ZNF384: variants seen among roughly 807,000 people sequenced by gnomAD.
ZNF384 encodes the protein CAG repeat protein 1.
A neutral mutation model predicts 65.0 loss-of-function variants in ZNF384; 20 were observed. The ratio of observed to expected loss-of-function variants is 0.31; its 90% confidence interval spans 0.22 to 0.45. The LOEUF (loss-of-function observed/expected upper bound fraction) is 0.45, where lower values mean the gene tolerates loss of function less well. Among genes scored for constraint, ZNF384 ranks in the 20% least tolerant of loss-of-function variants. The probability of loss-of-function intolerance (pLI) is 1.00; values close to 1 mark genes in which losing one functional copy is unlikely to be tolerated. For missense variants in ZNF384, 549 were observed against 769.4 expected, an observed-to-expected ratio of 0.71 and a Z score of 3.39; for synonymous variants, 310 against 303.9, an observed-to-expected ratio of 1.02 and a Z score of -0.21.
At chr12:6,686,262 C>CT (rs1555098409) in intron 2 of ZNF384, among the ~76,000 whole-genome samples, 1 of 152,118 alleles carries the variant, frequency 6.6e-6, no homozygotes, top group Non-Finnish European at 1.5e-5. Context: ...CTTCTGAATT[C>CT]TTTTTTTATG....
At chr12:6,679,383 G>A (rs1955010383) in intron 3 of ZNF384, 72 bp downstream of exon 3, 4 of 1,438,410 alleles carry the variant, frequency 2.8e-6, no homozygotes, top group East Asian at 2.3e-5. Context: ...AGCATGTGGT[G>A]TACCTTCAGT....
Position 6,678,291 on chromosome 12 carries a change from C to T in ZNF384, c.522G>A (p.Glu174=), listed in dbSNP as rs762475868. 6.2e-7 allele frequency: 1 copy of T among 1,614,146 alleles called. No homozygotes were observed. The highest frequency in any genetic ancestry group is 1.1e-5 in the South Asian group (1 of 91,082). ...CTCCACCACCACCTCCGCCTCCTTC[C>T]TCGGTTAGGGTCGATGCTACCTTCT... ...LSKKVASTLT[E]EGGGGGGGGG... Residue 174 remains glutamate, a synonymous_variant, in exon 6 of 12, where the codon GAG becomes GAA. Coordinates refer to ENST00000683879, the MANE Select transcript of ZNF384 (RefSeq NM_001385745.1). This position sits in a 1 kb window ranked among gnomAD's most constrained non-coding sequence, Gnocchi z 4.9.
Position 6,668,050 on chromosome 12 carries a change from T to C in ZNF384, c.1491A>G (p.Ala497=), listed in dbSNP as rs552586045. The C allele has an allele frequency of 6.8e-6, 11 of 1,612,992 alleles. No homozygotes were observed. Among genetic ancestry groups the C allele is most frequent in the South Asian group, 5.5e-5 (5 of 90,994 alleles). ...NPPDLQQQVQ[A]AAAAAAVAQA... ...GGGCCACTGCTGCCGCTGCTGCTGC[T>C]GCCTGCACCTGTTGCTGAAGATCAG... The change falls in exon 12 of 12, where the codon GCA becomes GCG. Residue 497 remains alanine, a synonymous_variant. Transcript: ENST00000683879.
Position 6,672,958 on chromosome 12 carries a change from T to G in ZNF384, c.1004+258A>C. On this transcript the variant is annotated intron_variant, in intron 8 of 11. Coordinates refer to ENST00000683879, the MANE Select transcript of ZNF384 (RefSeq NM_001385745.1). This position sits in a 1 kb window ranked among gnomAD's most constrained non-coding sequence, Gnocchi z 4.4. ...AAGCATATAGTAAAAGCAGGCCTGC[T>G]CTGCAGAAGATTTCCAAACACAGAC... 1 of 519,118 alleles carries G rather than the reference T, an allele frequency of 1.9e-6. No individual in the cohort carries two copies. Among genetic ancestry groups the G allele is most frequent in the Non-Finnish European group, 3.5e-6 (1 of 287,336 alleles). The allele number at this position is 519,118 out of a possible 1,614,324, so 32.2% of individuals were successfully genotyped here. A position where few individuals can be genotyped will look rare whatever the true frequency, so the allele number is the denominator to read the frequency against.
intron 7 of ZNF384, among the ~76,000 whole-genome samples, chr12:6,675,863 T>G (rs1159488788): frequency 6.6e-6 from 1 of 152,172 alleles, no homozygotes; most frequent in East Asian, 1.9e-4. Flanking sequence ...CCATTTTATA[T>G]ATGGGAACAA....
chr12:6,676,295 C>T (rs991580320), intron 7 of ZNF384, among the ~76,000 whole-genome samples: 7 of 151,438 alleles, frequency 4.6e-5, no homozygotes, highest in Middle Eastern at 3.4e-3. Flanking sequence ...AGCGAGACTC[C>T]GTCTCAAAAA....
chr12:6,672,358 C>T lies in ZNF384; in HGVS notation c.1179G>A (p.Gln393=). Residue 393 remains glutamine (Q), a synonymous_variant, in exon 9 of 12, where the codon CAG becomes CAA. Transcript: ENST00000683879. This position sits in a 1 kb window ranked among gnomAD's most constrained non-coding sequence, Gnocchi z 4.4. ...CCGCCACTCTCCCTTACCGTGTGTG[C>T]TGCTGGAGGTGGGAGAGCTGGCGGA... ...KAFRQLSHLQ[Q]HTRIHTGDRP... is the part of the protein sequence containing the mutation. 1 of 1,613,690 alleles carries T rather than the reference C, an allele frequency of 6.2e-7. No individual in the cohort carries two copies. Among genetic ancestry groups the T allele is most frequent in the Non-Finnish European group, 8.5e-7 (1 of 1,179,740 alleles).
chr12:6,677,307 G>A (rs1954018294), intron 6 of ZNF384, 48 bp from the exon 7 acceptor site: 1 of 1,271,368 alleles, frequency 7.9e-7, no homozygotes, highest in African/African-American at 1.5e-5. Context: ...AGGAACTAAG[G>A]ACAGACCCAG....
rs748424823 is a variant in ZNF384 at position 6,672,300 on chromosome 12, G to A, written c.1187+50C>T. 2 of 1,568,526 alleles carry A rather than the reference G, an allele frequency of 1.3e-6. No homozygotes were observed. The highest frequency in any genetic ancestry group is 1.7e-6 in the Non-Finnish European group (2 of 1,154,870). ...GTTGTGTGTGTCCGGGGCGGGGGTG[G>A]GGAGGGCATGCCAGCGGGGCGGGGT... On this transcript the variant is annotated intron_variant, in intron 9 of 11. Coordinates refer to ENST00000683879, the MANE Select transcript of ZNF384 (RefSeq NM_001385745.1). This position sits in a 1 kb window ranked among gnomAD's most constrained non-coding sequence, Gnocchi z 4.4.
At chr12:6,688,297 G>A (rs1050594749) in intron 1 of ZNF384, 71 bp from the exon 2 acceptor site, 1 of 152,612 alleles carries the variant, frequency 6.6e-6, no homozygotes, top group Non-Finnish European at 1.5e-5. Flanking sequence ...GAGAACCTCA[G>A]GAATTATTTG....
At chr12:6,677,313 C>G in intron 6 of ZNF384, 54 bp from the exon 7 acceptor site, 1 of 1,267,386 alleles carries the variant, frequency 7.9e-7, no homozygotes, top group Non-Finnish European at 1.0e-6. Flanking sequence ...TAAGGACAGA[C>G]CCAGACTCCC....
chr12:6,685,078 T>C (rs1038597002), intron 2 of ZNF384, among the ~76,000 whole-genome samples: 2 of 152,154 alleles, frequency 1.3e-5, no homozygotes, highest in Non-Finnish European at 2.9e-5. Flanking sequence ...AAGAAAGTAC[T>C]TTGGGAGGCC....
chr12:6,667,987 C>T lies in ZNF384; in HGVS notation c.1554G>A (p.Gln518=), dbSNP rs1565419218. The change falls in exon 12 of 12, where the codon CAG becomes CAA. Residue 518 remains glutamine (Q), a synonymous_variant. Transcript: ENST00000683879. ...CCTGGGCCTGGGCCTGGGCTTGAGCCTGAGCCTGAGCCTGGGCTTGAGCTT... is the reference window on the plus strand; with the variant it reads ...CCTGGGCCTGGGCCTGGGCTTGAGCTTGAGCCTGAGCCTGGGCTTGAGCTT... ...QAQAQAQAQA[Q]AQAQAQAQAS... 6 of 1,612,314 alleles carry T rather than the reference C, an allele frequency of 3.7e-6. No homozygotes were observed. Among genetic ancestry groups the T allele is most frequent in the Non-Finnish European group, 4.2e-6 (5 of 1,179,206 alleles).
At chr12:6,688,339 C>T (rs2137562759) in intron 1 of ZNF384, 113 bp from the exon 2 acceptor site, 1 of 152,552 alleles carries the variant, frequency 6.6e-6, no homozygotes, top group Admixed American at 6.5e-5. Flanking sequence ...AGGCAGACCC[C>T]CCAGCCAGCA....
intron 2 of ZNF384, among the ~76,000 whole-genome samples, chr12:6,687,299 G>A (rs116081029): frequency 0.014 from 2,136 of 152,216 alleles, 42 homozygotes; most frequent in African/African-American, 0.047. Context: ...TCTAGCCTGG[G>A]CACCACCGGA....
In ZNF384 at chr12:6,667,700, G is replaced by A. The variant is rs1950070149; in HGVS notation, c.*14C>T. ...CTACTTCTTCCTCTTCCCAGTGGGT[G>A]GCAGCACGGATCTCTAAGAGCTGGC... On this transcript the variant is annotated 3_prime_UTR_variant, in exon 12 of 12. Transcript: ENST00000683879. 2 of 1,613,978 alleles carry A rather than the reference G, an allele frequency of 1.2e-6. No homozygotes were observed. The highest frequency in any genetic ancestry group is 2.2e-5 in the South Asian group (2 of 91,086).
chr12:6,679,589 G>T, intron 2 of ZNF384, 64 bp from the exon 3 acceptor site: 1 of 1,355,330 alleles, frequency 7.4e-7, no homozygotes, highest in Non-Finnish European at 1.0e-6. Flanking sequence ...AAGCAATGGA[G>T]AAGGGGAACT....
At chr12:6,689,561 A>C (rs2064900325), upstream of ZNF384, 1 of 152,282 alleles carries the variant, frequency 6.6e-6, no homozygotes, top group South Asian at 2.1e-4. Flanking sequence ...AAGCCGAGTC[A>C]CTTCCGGGAG....
In ZNF384 at chr12:6,679,475, T is replaced by C. The variant is rs1182893611; in HGVS notation, c.46A>G (p.Ile16Val). 4.3e-6 allele frequency: 7 copies of C among 1,614,100 alleles called. No individual in the cohort carries two copies. The highest frequency in any genetic ancestry group is 5.9e-6 in the Non-Finnish European group (7 of 1,179,964). The change falls in exon 3 of 12, where the codon ATC becomes GTC. Residue 16 changes from isoleucine to valine, a missense_variant. By Grantham distance (29) the Ile-to-Val change is conservative. Coordinates refer to ENST00000683879, the MANE Select transcript of ZNF384 (RefSeq NM_001385745.1). ...FNSNPYFWPS[I>V]PTVSGQIENT... ...CTTACCTGACCTGAGACTGTGGGGA[T>C]AGAAGGCCAGAAGTACGGGTTAGAA... is the stretch of plus-strand genomic sequence containing the variant.
Sources: gnomAD v4.1 joint callset for allele counts (sites outside exome capture counted in the v4.1 genomes callset) on GRCh38, gnomAD v4.1.1 for gene constraint, Gnocchi (gnomAD v3.1) non-coding constraint, MANE v1.5 for transcripts, NCBI Gene and HGNC (gene_info 2026-07-23, HGNC 2026-07-21) for gene names.